RAD51B: variants seen among roughly 807,000 people sequenced by gnomAD.
RAD51B encodes RAD51 paralog B.
A neutral mutation model predicts 42.2 loss-of-function variants in RAD51B; 38 were observed. The ratio of observed to expected loss-of-function variants is 0.90; its 90% CI spans 0.70 to 1.18. The LOEUF is 1.18. Ranked by LOEUF, RAD51B falls within the 50% of genes most tolerant of loss-of-function variation. The pLI is 0.00. For synonymous variants in RAD51B, 154 were observed against 145.2 expected, an observed-to-expected ratio of 1.06 and a Z score of -0.43; for missense variants, 373 against 400.7, an observed-to-expected ratio of 0.93 and a Z score of 0.59.
intron 9 of RAD51B, among the ~76,000 whole-genome samples, chr14:68,454,253 A>C (rs2085627229): frequency 6.6e-6 from 1 of 152,222 alleles, no homozygotes; most frequent in South Asian, 2.1e-4. Flanking sequence ...CTGAATCAGG[A>C]TGTTTACATT....
chr14:67,825,427 C>T (rs948023353), intron 2 of RAD51B, 37 bp from the exon 3 acceptor site: 11 of 1,431,922 alleles, frequency 7.7e-6, no homozygotes, highest in Non-Finnish European at 1.1e-5. Context: ...CTTTGTTACA[C>T]ATATATGTTT....
At chr14:68,384,248 AT>A (rs918695049) in intron 8 of RAD51B, among the ~76,000 whole-genome samples, 15 of 152,096 alleles carry the variant, frequency 9.9e-5, no homozygotes, top group African/African-American at 3.1e-4. Flanking sequence ...TAAATCAGGG[AT>A]TTTTTTTAAC....
intron 7 of RAD51B, among the ~76,000 whole-genome samples, chr14:67,997,352 C>T (rs1223264876): frequency 6.6e-6 from 1 of 152,024 alleles, no homozygotes; most frequent in Non-Finnish European, 1.5e-5. Context: ...GAAGAAGCAA[C>T]CAATGAGATA....
chr14:68,210,647 T>A (rs1242272656), intron 7 of RAD51B, among the ~76,000 whole-genome samples: 3 of 152,068 alleles, frequency 2.0e-5, no homozygotes, highest in Admixed American at 6.6e-5. Flanking sequence ...CTTAAAATAG[T>A]TTTCTTACCT....
intron 7 of RAD51B, among the ~76,000 whole-genome samples, chr14:68,068,723 A>G (rs1229746006): frequency 1.3e-5 from 2 of 152,146 alleles, no homozygotes; most frequent in African/African-American, 2.4e-5. Flanking sequence ...AACATTTTAT[A>G]TCCTCACCAG....
intron 7 of RAD51B, among the ~76,000 whole-genome samples, chr14:68,012,788 G>T (rs1258880698): frequency 6.6e-6 from 1 of 152,084 alleles, no homozygotes; most frequent in African/African-American, 2.4e-5. Context: ...TGTTGCTGTT[G>T]TTATATGTCA....
rs1240196843 is a variant in RAD51B at position 68,330,542 on chromosome 14, G to A, written c.853+38562G>A. On this transcript the variant is annotated intron_variant, in intron 8 of 10. Transcript: ENST00000471583. ...GAGGATGTACTTATCAAAAGAGTGT[G>A]GAACCACTTGCTGTATGTCTTAAAA... 2.6e-5 allele frequency among the ~76,000 whole-genome samples: 4 copies of A among 152,114 alleles called. No individual in the cohort carries two copies. In the South Asian group the frequency reaches 8.3e-4, roughly 32 times the overall value.
At chr14:67,876,319 T>C (rs1345764586) in intron 5 of RAD51B, among the ~76,000 whole-genome samples, 1 of 152,212 alleles carries the variant, frequency 6.6e-6, no homozygotes. Flanking sequence ...ATTAAGCGTA[T>C]GTTTTATTTC....
intron 10 of RAD51B, among the ~76,000 whole-genome samples, chr14:68,519,146 C>G (rs1042889550): frequency 6.6e-6 from 1 of 152,248 alleles, no homozygotes; most frequent in Non-Finnish European, 1.5e-5. Flanking sequence ...GGCTTTTCCA[C>G]CTCCAGAGCC....
intron 11 of RAD51B, among the ~76,000 whole-genome samples, chr14:68,680,956 C>G (rs1487122372): frequency 1.3e-5 from 2 of 151,710 alleles, no homozygotes; most frequent in Non-Finnish European, 2.9e-5. Flanking sequence ...TAAGCCAAGG[C>G]AAAAAAATAA....
intron 10 of RAD51B, among the ~76,000 whole-genome samples, chr14:68,638,718 G>T (rs187148914): frequency 6.6e-6 from 1 of 152,200 alleles, no homozygotes; most frequent in Non-Finnish European, 1.5e-5. Flanking sequence ...GCAAACCTGC[G>T]CAGCACTGCA....
intron 8 of RAD51B, chr14:68,339,550 C>T (rs1204201932): frequency 8.2e-6 from 3 of 363,698 alleles, no homozygotes; most frequent in East Asian, 4.7e-5. Flanking sequence ...GGAGGAGAGA[C>T]TTATGGTTGC....
At chr14:68,346,365 C>T (rs2082677381) in intron 8 of RAD51B, among the ~76,000 whole-genome samples, 1 of 152,146 alleles carries the variant, frequency 6.6e-6, no homozygotes, top group Admixed American at 6.5e-5. Flanking sequence ...GATCCCATTC[C>T]TCCTCTTCTA....
chr14:68,392,779 C>G (rs1303921817), intron 8 of RAD51B, among the ~76,000 whole-genome samples: 1 of 152,202 alleles, frequency 6.6e-6, no homozygotes, highest in East Asian at 1.9e-4. Context: ...CTAGTGAAGG[C>G]TGTTTGAGTG....
intron 4 of RAD51B, among the ~76,000 whole-genome samples, chr14:67,860,866 C>G (rs775397500): frequency 2.0e-5 from 3 of 152,126 alleles, no homozygotes; most frequent in Non-Finnish European, 4.4e-5. Flanking sequence ...GAGAGTATTT[C>G]AGTATGGTAT....
At chr14:68,446,104 G>A (rs948662992) in intron 9 of RAD51B, among the ~76,000 whole-genome samples, 7 of 152,062 alleles carry the variant, frequency 4.6e-5, no homozygotes, top group African/African-American at 1.2e-4. Context: ...TAACATTATC[G>A]GCTGCCATTT....
At chr14:68,525,818 A>C (rs1886890217) in intron 10 of RAD51B, among the ~76,000 whole-genome samples, 1 of 152,216 alleles carries the variant, frequency 6.6e-6, no homozygotes, top group Non-Finnish European at 1.5e-5. Flanking sequence ...CGGCATATGG[A>C]ATTAGCATGA....
intron 4 of RAD51B, among the ~76,000 whole-genome samples, chr14:67,841,180 A>G (rs757522539): frequency 2.6e-5 from 4 of 152,146 alleles, no homozygotes; most frequent in Non-Finnish European, 4.4e-5. Flanking sequence ...TTCTCTAATG[A>G]TTAGGGATGT....
intron 10 of RAD51B, among the ~76,000 whole-genome samples, chr14:68,582,104 A>G (rs1471448988): frequency 6.6e-6 from 1 of 152,216 alleles, no homozygotes; most frequent in African/African-American, 2.4e-5. Flanking sequence ...ATGGGCAAAG[A>G]CTTCATGACT....
Sources: gnomAD v4.1 joint callset for allele counts (sites outside exome capture counted in the v4.1 genomes callset) on GRCh38, gnomAD v4.1.1 for gene constraint, MANE v1.5 for transcripts, NCBI Gene and HGNC (gene_info 2026-07-23, HGNC 2026-07-21) for gene names.